The following TRAPPC9 variants were observed in gnomAD, a reference collection of about 807,000 sequenced individuals.
TRAPPC9 encodes the protein IKK2 binding protein.
Under a neutral mutation model 124.0 loss-of-function variants are expected in TRAPPC9, and 83 were observed. The observed-to-expected ratio is 0.67, with a 90% CI of 0.56 to 0.80. The LOEUF (loss-of-function observed/expected upper bound fraction) is 0.80, where lower values mean the gene tolerates loss of function less well. TRAPPC9 is among the 30% of genes least tolerant of loss of function. The probability of loss-of-function intolerance (pLI) is 0.00; values close to 1 mark genes in which losing one functional copy is unlikely to be tolerated. For missense variants in TRAPPC9, 1,302 were observed against 1,508.3 expected (o/e 0.86, Z 2.27); for synonymous variants, 638 against 617.5 (o/e 1.03, Z -0.49).
At chr8:140,043,123 G>A (rs536023506) in intron 17 of TRAPPC9, among the ~76,000 whole-genome samples, 2 of 152,320 alleles carry the variant, frequency 1.3e-5, no homozygotes, top group South Asian at 4.1e-4. Context: ...GGTGAGGAAC[G>A]CTGCTCTAAA....
At chr8:139,911,017 C>G (rs1334568267) in intron 19 of TRAPPC9, among the ~76,000 whole-genome samples, 3 of 152,156 alleles carry the variant, frequency 2.0e-5, no homozygotes, top group Non-Finnish European at 4.4e-5. Context: ...AGATATGAGA[C>G]TTGGGAGGGG....
chr8:140,225,937 T>G (rs139142386), intron 16 of TRAPPC9, among the ~76,000 whole-genome samples: 105 of 152,360 alleles, frequency 6.9e-4, no homozygotes, highest in Admixed American at 2.0e-3. Flanking sequence ...TGTTTGTTTG[T>G]TTTTGCCTTG....
At chr8:140,311,138 A>G (rs1278159183) in intron 10 of TRAPPC9, 110 bp downstream of exon 10, 5 of 1,363,022 alleles carry the variant, frequency 3.7e-6, no homozygotes, top group Non-Finnish European at 5.1e-6. Context: ...TGAACCCGAT[A>G]CACAGCCAAC....
chr8:140,119,140 C>T (rs563571768), intron 17 of TRAPPC9, among the ~76,000 whole-genome samples: 1 of 152,290 alleles, frequency 6.6e-6, no homozygotes, highest in East Asian at 1.9e-4. Context: ...AGCAGAAAGC[C>T]GGAGTGCACA....
chr8:140,156,940 C>CT (rs202238897), intron 17 of TRAPPC9, among the ~76,000 whole-genome samples: 69 of 141,112 alleles, frequency 4.9e-4, no homozygotes, highest in African/African-American at 1.0e-3. Flanking sequence ...AAAAGCCTCC[C>CT]TTTCCATTCA....
At chr8:139,835,425 C>T (rs928091944) in intron 21 of TRAPPC9, among the ~76,000 whole-genome samples, 1 of 152,282 alleles carries the variant, frequency 6.6e-6, no homozygotes, top group African/African-American at 2.4e-5. Flanking sequence ...CCAGCCTTCC[C>T]TCCTGCGCCC....
intron 21 of TRAPPC9, among the ~76,000 whole-genome samples, chr8:139,806,458 G>A (rs1453116435): frequency 1.3e-5 from 2 of 152,152 alleles, no homozygotes; most frequent in East Asian, 1.9e-4. Flanking sequence ...GGGGCTCAGC[G>A]GCAGTGACAC....
At chr8:139,978,688 A>G (rs1242271893) in intron 19 of TRAPPC9, among the ~76,000 whole-genome samples, 1 of 152,186 alleles carries the variant, frequency 6.6e-6, no homozygotes, top group Non-Finnish European at 1.5e-5. Flanking sequence ...CTGTGACGTG[A>G]AAGACCACAC....
chr8:139,867,013 T>G (rs567894704), intron 21 of TRAPPC9, among the ~76,000 whole-genome samples: 72 of 152,250 alleles, frequency 4.7e-4, no homozygotes, highest in African/African-American at 1.7e-3. Context: ...TTTTGTATTT[T>G]TAGTAGAGAT....
At chr8:140,276,369 C>T (rs1468449321) in intron 14 of TRAPPC9, among the ~76,000 whole-genome samples, 2 of 152,194 alleles carry the variant, frequency 1.3e-5, no homozygotes, top group African/African-American at 4.8e-5. Flanking sequence ...CCTGGCGTCA[C>T]ATGAGGGCAG....
intron 21 of TRAPPC9, among the ~76,000 whole-genome samples, chr8:139,785,520 A>T (rs964890173): frequency 6.6e-6 from 1 of 150,700 alleles, no homozygotes; most frequent in Non-Finnish European, 1.5e-5. Context: ...CAACATGGTG[A>T]AACCTCATCT....
intron 11 of TRAPPC9, among the ~76,000 whole-genome samples, chr8:140,300,238 C>A (rs2065928793): frequency 6.6e-6 from 1 of 151,292 alleles, no homozygotes; most frequent in Non-Finnish European, 1.5e-5. Context: ...CATATGCATG[C>A]ACGCACGCAT....
At chr8:139,882,184 G>C (rs538773229) in intron 21 of TRAPPC9, among the ~76,000 whole-genome samples, 1 of 152,318 alleles carries the variant, frequency 6.6e-6, no homozygotes, top group African/African-American at 2.4e-5. Context: ...TCATTGCTTT[G>C]CAGGCGGTAG....
intron 17 of TRAPPC9, among the ~76,000 whole-genome samples, chr8:140,138,491 G>A (rs907907191): frequency 1.3e-5 from 2 of 152,056 alleles, no homozygotes; most frequent in African/African-American, 4.8e-5. Context: ...TAGCGTCTTT[G>A]CCAGTTCTGT....
chr8:139,959,123 A>AGCCCTGCATTCCGAGT (rs1587345106), intron 19 of TRAPPC9, among the ~76,000 whole-genome samples: 7 of 152,118 alleles, frequency 4.6e-5, no homozygotes, highest in East Asian at 3.9e-4. Context: ...CACACAGGGG[A>AGCCCTGCATTCCGAGT]CTGGCTCCCA....
chr8:139,774,887 G>C (rs552016912), intron 21 of TRAPPC9, among the ~76,000 whole-genome samples: 1 of 152,302 alleles, frequency 6.6e-6, no homozygotes, highest in East Asian at 1.9e-4. Context: ...AGTGCCCGGA[G>C]GGGGACAGAG....
intron 21 of TRAPPC9, among the ~76,000 whole-genome samples, chr8:139,813,658 G>T (rs1163249756): frequency 6.6e-6 from 1 of 152,226 alleles, no homozygotes; most frequent in Non-Finnish European, 1.5e-5. Context: ...CACTAGTTGA[G>T]GGGCCTCGGA....
chr8:140,447,299 T>A (rs1456770750), intron 2 of TRAPPC9, among the ~76,000 whole-genome samples: 1 of 152,070 alleles, frequency 6.6e-6, no homozygotes, highest in African/African-American at 2.4e-5. Flanking sequence ...AAACATATTT[T>A]AAAAAAATGA....
intron 4 of TRAPPC9, among the ~76,000 whole-genome samples, chr8:140,434,296 C>T (rs1371418541): frequency 6.6e-6 from 1 of 152,180 alleles, no homozygotes; most frequent in Non-Finnish European, 1.5e-5. Flanking sequence ...AATCCTGAGC[C>T]ATTAAAGGCA....
Sources: gnomAD v4.1 joint callset for allele counts (sites outside exome capture counted in the v4.1 genomes callset) on GRCh38, gnomAD v4.1.1 for gene constraint, MANE v1.5 for transcripts, NCBI Gene and HGNC (gene_info 2026-07-23, HGNC 2026-07-21) for gene names.